Variants in PSMA1 observed in about 807,000 individuals in gnomAD.
The protein encoded by PSMA1 is proteasome 20S subunit alpha 1.
Under a neutral mutation model 38.4 loss-of-function variants are expected in PSMA1, and 3 were observed. That is an observed-to-expected ratio of 0.08 (90% CI 0.04 to 0.20). The LOEUF (loss-of-function observed/expected upper bound fraction) is 0.20. Ranked by LOEUF, PSMA1 falls within the 10% of genes least tolerant of loss-of-function variation. The pLI is 1.00. For missense variants in PSMA1, 227 were observed against 325.3 expected (o/e 0.70, Z 2.32); for synonymous variants, 101 against 107.1 (o/e 0.94, Z 0.35).
chr11:14,611,506 C>T (rs1463091250), intron 1 of PSMA1, among the ~76,000 whole-genome samples: 1 of 152,152 alleles, frequency 6.6e-6, no homozygotes, highest in African/African-American at 2.4e-5. Flanking sequence ...GCTAGGGCAA[C>T]AAAACAAATT....
chr11:14,562,535 G>A (rs1852021548), intron 2 of PSMA1, among the ~76,000 whole-genome samples: 1 of 152,028 alleles, frequency 6.6e-6, no homozygotes, highest in South Asian at 2.1e-4. Context: ...GATTATTGCT[G>A]CTTTATAACA....
At chr11:14,523,589 C>T (rs1432224356), upstream of PSMA1, among the ~76,000 whole-genome samples, 3 of 116,704 alleles carry the variant, frequency 2.6e-5, no homozygotes, top group African/African-American at 9.0e-5. Flanking sequence ...TCTCAGGATA[C>T]ATTTTTTTTT....
chr11:14,546,726 A>G (rs764555433), intron 2 of PSMA1, among the ~76,000 whole-genome samples: 12 of 152,158 alleles, frequency 7.9e-5, no homozygotes, highest in Non-Finnish European at 1.6e-4. Context: ...GTCAGCCACC[A>G]CATCCAGCCC....
chr11:14,547,680 A>G (rs1851840820), intron 2 of PSMA1, among the ~76,000 whole-genome samples: 2 of 152,182 alleles, frequency 1.3e-5, no homozygotes, highest in Admixed American at 6.5e-5. Flanking sequence ...CCAATAGACA[A>G]GAGACAACCA....
intron 1 of PSMA1, among the ~76,000 whole-genome samples, chr11:14,641,842 T>C (rs953098757): frequency 1.3e-5 from 2 of 152,230 alleles, no homozygotes; most frequent in African/African-American, 4.8e-5. Context: ...GTCTTAAGGA[T>C]GCCTATGTAT....
At chr11:14,598,331 T>G (rs371830711) in intron 2 of PSMA1, among the ~76,000 whole-genome samples, 19 of 152,312 alleles carry the variant, frequency 1.2e-4, no homozygotes, top group African/African-American at 4.3e-4. Context: ...TTGATCTGTC[T>G]AATGTTGACA....
At chr11:14,626,650 T>A (rs1689476562) in intron 1 of PSMA1, among the ~76,000 whole-genome samples, 1 of 152,192 alleles carries the variant, frequency 6.6e-6, no homozygotes, top group South Asian at 2.1e-4. Context: ...GCAAGTCCTA[T>A]TGCCTTATTG....
chr11:14,507,328 C>A (rs1289392657), intron 9 of PSMA1, among the ~76,000 whole-genome samples: 1 of 152,044 alleles, frequency 6.6e-6, no homozygotes, highest in African/African-American at 2.4e-5. Context: ...CCATGACGCC[C>A]AGCTAATTTT....
At chr11:14,627,854 T>A (rs1305009181) in intron 1 of PSMA1, among the ~76,000 whole-genome samples, 1 of 152,202 alleles carries the variant, frequency 6.6e-6, no homozygotes, top group Non-Finnish European at 1.5e-5. Context: ...ATCCTACCCA[T>A]CCTTTAAGAC....
intron 1 of PSMA1, among the ~76,000 whole-genome samples, chr11:14,628,033 G>A (rs191988389): frequency 6.6e-6 from 1 of 152,168 alleles, no homozygotes; most frequent in Non-Finnish European, 1.5e-5. Flanking sequence ...CTTACCGCTT[G>A]AGCTCCACCT....
intron 2 of PSMA1, among the ~76,000 whole-genome samples, chr11:14,563,630 T>A (rs1450156): frequency 0.015 from 2,349 of 152,300 alleles, 59 homozygotes; most frequent in African/African-American, 0.054. Flanking sequence ...TAAAATATCA[T>A]GTTTCTTTAA....
In PSMA1 at chr11:14,530,830, A is replaced by G. The variant is rs556263003; in HGVS notation, c.22-11789T>C. ...GGCAGGAGAACTGCTTGAACCTGGG[A>G]GGTGGAGGTTGCAGTGAGCCGAGAT... On this transcript the variant is annotated intron_variant, in intron 2 of 10. Coordinates refer to the PSMA1 transcript ENST00000418988. Among the ~76,000 whole-genome samples, 319 of 142,202 alleles carry G rather than the reference A, an allele frequency of 2.2e-3. 1 individual carries two copies. The highest frequency in any genetic ancestry group is 7.8e-3 in the African/African-American group (297 of 38,156). The allele number at this position is 142,202 out of a possible 152,430, so 93.3% of individuals were successfully genotyped here.
intron 2 of PSMA1, among the ~76,000 whole-genome samples, chr11:14,585,627 C>T (rs1050149957): frequency 1.3e-5 from 2 of 152,206 alleles, no homozygotes; most frequent in African/African-American, 4.8e-5. Flanking sequence ...ACAGAAAGCA[C>T]ATAAAAGTCT....
intron 2 of PSMA1, among the ~76,000 whole-genome samples, chr11:14,531,634 AT>A (rs1007643602): frequency 6.6e-6 from 1 of 151,754 alleles, no homozygotes; most frequent in African/African-American, 2.4e-5. Context: ...TAATTTTTGT[AT>A]TTTTTGTAGA....
intron 3 of PSMA1, 37 bp downstream of exon 3, chr11:14,517,843 T>C: frequency 6.5e-7 from 1 of 1,543,716 alleles, no homozygotes; most frequent in Non-Finnish European, 8.8e-7. Context: ...TTTACATTGT[T>C]TTCTACAGAG....
intron 2 of PSMA1, among the ~76,000 whole-genome samples, chr11:14,558,065 A>C (rs927576601): frequency 6.6e-6 from 1 of 152,092 alleles, no homozygotes; most frequent in African/African-American, 2.4e-5. Context: ...AGTCAAATAC[A>C]AACGATGAGC....
intron 2 of PSMA1, among the ~76,000 whole-genome samples, chr11:14,597,177 G>C (rs1852507639): frequency 6.6e-6 from 1 of 152,130 alleles, no homozygotes; most frequent in Admixed American, 6.5e-5. Context: ...TTGCATTGAT[G>C]TTCATCAGGG....
chr11:14,619,049 T>C (rs1294515371), intron 1 of PSMA1, among the ~76,000 whole-genome samples: 1 of 152,224 alleles, frequency 6.6e-6, no homozygotes, highest in East Asian at 1.9e-4. Flanking sequence ...CCCTTTGTAT[T>C]AAGCACTGTG....
intron 2 of PSMA1, among the ~76,000 whole-genome samples, chr11:14,552,401 T>C (rs1456507167): frequency 6.6e-6 from 1 of 152,164 alleles, no homozygotes; most frequent in Non-Finnish European, 1.5e-5. Flanking sequence ...TCAAAATAAG[T>C]TGATTTAAAG....
Sources: gnomAD v4.1 joint callset for allele counts (sites outside exome capture counted in the v4.1 genomes callset) on GRCh38, gnomAD v4.1.1 for gene constraint, MANE v1.5 for transcripts, NCBI Gene and HGNC (gene_info 2026-07-23, HGNC 2026-07-21) for gene names.